The following SLC22A2 variants were observed in gnomAD, a reference collection of about 807,000 sequenced individuals.
The protein encoded by SLC22A2 is organic cation transporter 2.
Under a neutral mutation model 60.5 loss-of-function variants are expected in SLC22A2, and 46 were observed. The ratio of observed to expected loss-of-function variants is 0.76; its 90% CI spans 0.60 to 0.97. The LOEUF (loss-of-function observed/expected upper bound fraction) is 0.97. Ranked by LOEUF, SLC22A2 falls within the 50% of genes least tolerant of loss-of-function variation. The pLI is 0.00. For synonymous variants in SLC22A2, 303 were observed against 267.0 expected (o/e 1.13, Z -1.31); for missense variants, 701 against 706.6 (o/e 0.99, Z 0.09).
intron 9 of SLC22A2, among the ~76,000 whole-genome samples, chr6:160,228,883 T>C (rs1387140403): frequency 6.6e-6 from 1 of 151,712 alleles, no homozygotes; most frequent in African/African-American, 2.4e-5. Flanking sequence ...CAACCCCCTT[T>C]GACTGTAATT....
chr6:160,245,631 G>T (rs980144325), intron 5 of SLC22A2, 86 bp from the exon 6 acceptor site: 2 of 607,430 alleles, frequency 3.3e-6, no homozygotes, highest in Non-Finnish European at 5.5e-6. Flanking sequence ...ATTTCTTACC[G>T]TCCTGAGCGC....
intron 6 of SLC22A2, 133 bp downstream of exon 6, chr6:160,245,306 C>T: frequency 1.9e-6 from 1 of 525,586 alleles, no homozygotes; most frequent in Non-Finnish European, 3.3e-6. Flanking sequence ...GAAAACCTAC[C>T]AGACACAACC....
chr6:160,252,183 T>C (rs541503510), intron 2 of SLC22A2, among the ~76,000 whole-genome samples: 1 of 152,162 alleles, frequency 6.6e-6, no homozygotes, highest in Non-Finnish European at 1.5e-5. Context: ...TCAACTTAAT[T>C]TTTTAGCATT....
intron 6 of SLC22A2, chr6:160,244,728 C>T (rs1420737941): frequency 1.3e-5 from 2 of 152,178 alleles, no homozygotes; most frequent in Non-Finnish European, 2.9e-5. Flanking sequence ...GTAAAGGTTG[C>T]TAAAGTAATT....
chr6:160,220,194 C>T (rs1241439480), intron 10 of SLC22A2, among the ~76,000 whole-genome samples: 1 of 152,196 alleles, frequency 6.6e-6, no homozygotes, highest in East Asian at 1.9e-4. Flanking sequence ...ATTCTAAATC[C>T]TTTGTTGTCA....
intron 9 of SLC22A2, among the ~76,000 whole-genome samples, chr6:160,236,791 G>A (rs1285002280): frequency 6.6e-6 from 1 of 152,044 alleles, no homozygotes; most frequent in Non-Finnish European, 1.5e-5. Flanking sequence ...AGTTACCTAG[G>A]GACCTCAAGA....
At chr6:160,245,272 T>C (rs1783070981) in intron 6 of SLC22A2, 167 bp downstream of exon 6, 1 of 503,148 alleles carries the variant, frequency 2.0e-6, no homozygotes, top group Non-Finnish European at 3.5e-6. Flanking sequence ...GATCTTAATA[T>C]TTGCCCAAGA....
rs191013218 is a variant in SLC22A2, at chr6:160,253,095, T to A, written c.519-2393A>T. ...TTCTTGGCTTTGCCCAGGAAAGAAT[T>A]CAAGGGCAAGCTGGTGTTGTTAAAT... On this transcript the variant is annotated intron_variant, in intron 2 of 10. Transcript: ENST00000366953. Among the ~76,000 whole-genome samples, 3 of 152,304 alleles carry A rather than the reference T, an allele frequency of 2.0e-5. No individual in the cohort carries two copies. In the East Asian group the frequency reaches 5.8e-4, roughly 29 times the overall value.
rs79624165 is a variant in SLC22A2 at position 160,251,541 on chromosome 6, C to T, written c.519-839G>A. On this transcript the variant is annotated intron_variant, in intron 2 of 10. Coordinates refer to ENST00000366953, the MANE Select transcript of SLC22A2 (RefSeq NM_003058.4). The stretch of plus-strand genomic sequence containing the variant: ...TTCCTTCCTTTTTTCCTTCTGTTTG[C>T]AAACCTGGCTCAGCTCAGAGAGTTG... 6.1e-3 allele frequency among the ~76,000 whole-genome samples: 929 copies of T among 152,260 alleles called. 4 individuals are homozygous for T. Among genetic ancestry groups the T allele is most frequent in the African/African-American group, 0.019 (808 of 41,554 alleles).
At chr6:160,246,718 A>G (rs779511882) in intron 5 of SLC22A2, among the ~76,000 whole-genome samples, 13 of 152,198 alleles carry the variant, frequency 8.5e-5, no homozygotes, top group South Asian at 4.2e-4. Context: ...CTGCACTCCA[A>G]CCTGGGTGAC....
chr6:160,258,407 C>T lies in SLC22A2; in HGVS notation c.351G>A (p.Leu117=). ...LASLDTNRSR[L]PLGPCRDGWV... Reference sequence around the variant, plus strand: ...AGCCGTCCCGGCAGGGGCCCAGTGGCAGGCGGCTCCTGTTGGTGTCCAGGC... The same window carrying T: ...AGCCGTCCCGGCAGGGGCCCAGTGGTAGGCGGCTCCTGTTGGTGTCCAGGC... Residue 117 remains leucine, a synonymous_variant, in exon 1 of 11, where the codon CTG becomes CTA. Transcript: ENST00000366953. 3 of 1,613,542 alleles carry T rather than the reference C, an allele frequency of 1.9e-6. No homozygotes were observed. Among genetic ancestry groups the T allele is most frequent in the South Asian group, 1.1e-5 (1 of 91,048 alleles).
intron 9 of SLC22A2, among the ~76,000 whole-genome samples, chr6:160,228,782 T>C (rs550060345): frequency 2.1e-4 from 32 of 151,942 alleles, no homozygotes; most frequent in Middle Eastern, 3.4e-3. Flanking sequence ...ACTGATGACA[T>C]TACCTTGTGA....
rs1400792918 is a variant in SLC22A2 at position 160,217,152 on chromosome 6, T to A, written c.*280A>T. 6.6e-6 allele frequency: 2 copies of A among 302,688 alleles called. No homozygotes were observed. The highest frequency in any genetic ancestry group is 1.2e-5 in the Non-Finnish European group (2 of 166,452). The allele number at this position is 302,688 out of a possible 1,614,324, so 18.8% of individuals were successfully genotyped here. On this transcript the variant is annotated 3_prime_UTR_variant, in exon 11 of 11. Coordinates refer to ENST00000366953, the MANE Select transcript of SLC22A2 (RefSeq NM_003058.4). ...GCATTGCAAAGAAAAGAATCAAATTTAAAAAAATACAAAGATGGAAAAAAA... is the reference window on the plus strand; with the variant it reads ...GCATTGCAAAGAAAAGAATCAAATTAAAAAAAATACAAAGATGGAAAAAAA...
intron 8 of SLC22A2, 41 bp downstream of exon 8, chr6:160,242,253 T>C (rs1184257307): frequency 5.7e-6 from 6 of 1,058,110 alleles, no homozygotes; most frequent in Non-Finnish European, 8.9e-6. Flanking sequence ...AATGAACAAA[T>C]GTCTCACCCA....
At position 160,249,226 on chromosome 6, in the gene SLC22A2, G is replaced by A. The variant is rs183456267; in HGVS notation, c.832C>T (p.Leu278Phe). The change falls in exon 4 of 11, where the codon CTC becomes TTC. Residue 278 changes from leucine to phenylalanine, a missense_variant. Physicochemically the swap from Leu to Phe is conservative, Grantham distance 22. Coordinates refer to ENST00000366953, the MANE Select transcript of SLC22A2 (RefSeq NM_003058.4). ...TVSLPNFFFL[L>F]YYWCIPESPR... ...TCCAAATGGACTTACCAGTAATAGA[G>A]CAAGAAGAAGAAGTTGGGCAGAGAA... 7 of 1,597,780 alleles carry A rather than the reference G, an allele frequency of 4.4e-6. No homozygotes were observed. The Admixed American group carries it at 8.9e-5, about 20-fold the overall frequency.
Position 160,249,052 on chromosome 6 carries a change from T to A in SLC22A2, c.842+164A>T, listed in dbSNP as rs57062277. On this transcript the variant is annotated intron_variant, in intron 4 of 10. Transcript: ENST00000366953. Reference sequence around the variant, plus strand: ...TGATTTACAGACGGAGAGGTGAAGCTTGTGGTTTTTATTCCTGAAACATGG... The same window carrying A: ...TGATTTACAGACGGAGAGGTGAAGCATGTGGTTTTTATTCCTGAAACATGG... Among the ~76,000 whole-genome samples, 584 of 152,310 alleles carry A rather than the reference T, an allele frequency of 3.8e-3. 6 individuals are homozygous for A. Among genetic ancestry groups the A allele is most frequent in the African/African-American group, 0.013 (554 of 41,566 alleles).
chr6:160,217,464 G>A lies in SLC22A2; in HGVS notation c.1636C>T (p.Gln546Ter). 6.2e-7 allele frequency: 1 copy of A among 1,602,212 alleles called. No homozygotes were observed. Among genetic ancestry groups the A allele is most frequent in the Non-Finnish European group, 8.5e-7 (1 of 1,169,878 alleles). Reference protein sequence around the residue: ...RKNKEKMIYLQVQKLDIPLN With the variant: ...RKNKEKMIYL ...AATGGAATGTCTAGTTTCTGAACTT[G>A]GAGGTAAATCATCTTTTCTTTATTT... Residue 546 changes from glutamine to a stop codon, truncating the protein, a stop_gained, in exon 11 of 11, where the codon CAA (glutamine) becomes TAA (stop). Coordinates refer to ENST00000366953, the MANE Select transcript of SLC22A2 (RefSeq NM_003058.4). LOFTEE classifies it high-confidence loss of function.
chr6:160,220,264 C>T (rs1286313276), intron 10 of SLC22A2, among the ~76,000 whole-genome samples: 1 of 152,222 alleles, frequency 6.6e-6, no homozygotes, highest in African/African-American at 2.4e-5. Context: ...AAACCACTTT[C>T]TAAGCTCATC....
At chr6:160,235,273 A>G (rs1782892574) in intron 9 of SLC22A2, among the ~76,000 whole-genome samples, 2 of 151,892 alleles carry the variant, frequency 1.3e-5, no homozygotes, top group African/African-American at 4.8e-5. Flanking sequence ...ATGTGTGACT[A>G]GGTAGGAAAT....
Sources: allele counts gnomAD v4.1 joint callset (sites outside exome capture counted in the v4.1 genomes callset), GRCh38; gene constraint gnomAD v4.1.1; transcripts MANE v1.5; gene names NCBI Gene and HGNC (gene_info 2026-07-23, HGNC 2026-07-21).